Variants in KIAA0319L observed in about 807,000 individuals in gnomAD.
KIAA0319L encodes the protein KIAA0319 like.
KIAA0319L carries 55 observed loss-of-function variants against 120.1 expected under a neutral mutation model. The observed-to-expected ratio is 0.46, with a 90% CI of 0.37 to 0.57. KIAA0319L has a LOEUF of 0.57. Ranked by LOEUF, KIAA0319L falls within the 20% of genes least tolerant of loss-of-function variation. The pLI, the probability that KIAA0319L is intolerant of heterozygous loss-of-function variation, is 0.00. For missense variants in KIAA0319L, 1,049 were observed against 1,255.3 expected, an observed-to-expected ratio of 0.84 and a Z score of 2.48; for synonymous variants, 398 against 471.9, an observed-to-expected ratio of 0.84 and a Z score of 2.03.
At chr1:35,474,002 A>G (rs1056968140) in intron 5 of KIAA0319L, among the ~76,000 whole-genome samples, 1 of 152,240 alleles carries the variant, frequency 6.6e-6, no homozygotes, top group African/African-American at 2.4e-5. Context: ...TCATATTACA[A>G]AAGTTTTCTT....
intron 3 of KIAA0319L, among the ~76,000 whole-genome samples, chr1:35,482,312 T>G (rs1446689942): frequency 2.0e-5 from 3 of 152,184 alleles, no homozygotes; most frequent in Non-Finnish European, 4.4e-5. Context: ...CTAAGTAGTT[T>G]TCTGCTTTAT....
At chr1:35,524,864 C>G (rs1646058121) in intron 2 of KIAA0319L, among the ~76,000 whole-genome samples, 1 of 152,166 alleles carries the variant, frequency 6.6e-6, no homozygotes, top group Non-Finnish European at 1.5e-5. Flanking sequence ...GGCCTCACTT[C>G]TAGCTATCTT....
At chr1:35,436,216 C>T (rs541148254) in intron 20 of KIAA0319L, among the ~76,000 whole-genome samples, 313 of 152,280 alleles carry the variant, frequency 2.1e-3, no homozygotes, top group African/African-American at 7.4e-3. Context: ...GTGGCAGTGC[C>T]CCGAGCTCTC....
intron 2 of KIAA0319L, among the ~76,000 whole-genome samples, chr1:35,507,346 T>C (rs1384192600): frequency 1.3e-5 from 2 of 152,198 alleles, no homozygotes; most frequent in African/African-American, 2.4e-5. Context: ...TCCACATTCA[T>C]TAATTGTTCT....
chr1:35,521,650 TAAAATAAATAAATAAATA>T (rs1407096425), intron 2 of KIAA0319L, among the ~76,000 whole-genome samples: 3 of 134,250 alleles, frequency 2.2e-5, no homozygotes, highest in Non-Finnish European at 4.8e-5. Flanking sequence ...ATAATAATAA[TAAAATAAATAAATAAATA>T]AAAATAAATA....
chr1:35,519,427 G>A (rs771769597), intron 2 of KIAA0319L, among the ~76,000 whole-genome samples: 32 of 152,132 alleles, frequency 2.1e-4, no homozygotes, highest in Non-Finnish European at 3.4e-4. Flanking sequence ...GCTCTCAAAT[G>A]TGGATCCACA....
chr1:35,530,368 C>T (rs1389781187), intron 2 of KIAA0319L, among the ~76,000 whole-genome samples: 3 of 152,242 alleles, frequency 2.0e-5, no homozygotes, highest in Non-Finnish European at 4.4e-5. Flanking sequence ...TCTAGTTTAT[C>T]GCTAAAGCTC....
At chr1:35,461,093 T>C (rs1209435277) in intron 8 of KIAA0319L, among the ~76,000 whole-genome samples, 2 of 152,132 alleles carry the variant, frequency 1.3e-5, no homozygotes, top group Non-Finnish European at 2.9e-5. Context: ...ACTCGTACAA[T>C]GAAATTATAC....
intron 7 of KIAA0319L, among the ~76,000 whole-genome samples, chr1:35,465,103 T>C (rs1012177562): frequency 6.6e-6 from 1 of 152,130 alleles, no homozygotes. Context: ...GCCCACACAG[T>C]CCCTACTGGG....
At chr1:35,508,894 A>T (rs1054411680) in intron 2 of KIAA0319L, among the ~76,000 whole-genome samples, 1 of 152,218 alleles carries the variant, frequency 6.6e-6, no homozygotes, top group Non-Finnish European at 1.5e-5. Flanking sequence ...TTTAATTTTT[A>T]AAAATGCAAT....
chr1:35,470,515 GAAAA>G (rs1176995152), intron 6 of KIAA0319L, among the ~76,000 whole-genome samples: 1 of 114,124 alleles, frequency 8.8e-6, no homozygotes, highest in Non-Finnish European at 1.9e-5. Context: ...AAAAAAAAAA[GAAAA>G]AACCTATACT....
Position 35,477,560 on chromosome 1 carries a change from G to A in KIAA0319L, c.913+1406C>T, listed in dbSNP as rs544878948. On this transcript the variant is annotated intron_variant, in intron 4 of 20. Coordinates refer to ENST00000325722, the MANE Select transcript of KIAA0319L (RefSeq NM_024874.5). ...TGGGCGCCTGTAGTCCCAGCTACTC[G>A]GGAGGCTGAGGCAGGAGAATGGCAT... Among the ~76,000 whole-genome samples the A allele has an allele frequency of 8.6e-5, 13 of 151,744 alleles. No individual in the cohort carries two copies. The South Asian group carries it at 2.3e-3, about 27-fold the overall frequency.
At chr1:35,499,039 T>C (rs907970768) in intron 3 of KIAA0319L, among the ~76,000 whole-genome samples, 3 of 152,184 alleles carry the variant, frequency 2.0e-5, no homozygotes, top group South Asian at 4.1e-4. Context: ...TTTATCTTTA[T>C]AGAAATTAAT....
intron 2 of KIAA0319L, among the ~76,000 whole-genome samples, chr1:35,537,547 T>C (rs918894991): frequency 6.8e-6 from 1 of 146,626 alleles, no homozygotes; most frequent in African/African-American, 2.5e-5. Flanking sequence ...ATATGGCCAA[T>C]AGAGGAAAAG....
chr1:35,512,103 C>T (rs958510066), intron 2 of KIAA0319L, among the ~76,000 whole-genome samples: 1 of 151,766 alleles, frequency 6.6e-6, no homozygotes, highest in African/African-American at 2.4e-5. Flanking sequence ...AACCCCGTCA[C>T]TACTAAAAAT....
chr1:35,490,722 A>T (rs1169569893), intron 3 of KIAA0319L, among the ~76,000 whole-genome samples: 1 of 152,172 alleles, frequency 6.6e-6, no homozygotes, highest in Non-Finnish European at 1.5e-5. Context: ...AATACACTTG[A>T]TATGTTTTGG....
intron 3 of KIAA0319L, among the ~76,000 whole-genome samples, chr1:35,494,858 A>G (rs1345687866): frequency 6.6e-6 from 1 of 151,264 alleles, no homozygotes; most frequent in Non-Finnish European, 1.5e-5. Flanking sequence ...TCATGTCAAT[A>G]TAGGCAAACA....
intron 17 of KIAA0319L, 96 bp from the exon 18 acceptor site, chr1:35,443,124 T>C: frequency 6.9e-7 from 1 of 1,442,552 alleles, no homozygotes; most frequent in East Asian, 2.3e-5. Context: ...CACCCCAGAT[T>C]AATGCTATGT....
At chr1:35,540,680 T>C (rs1172218099) in intron 2 of KIAA0319L, among the ~76,000 whole-genome samples, 1 of 152,236 alleles carries the variant, frequency 6.6e-6, no homozygotes, top group Non-Finnish European at 1.5e-5. Context: ...GGCAGAAGGT[T>C]ATTCTATTAA....
Sources: allele counts gnomAD v4.1 joint callset (sites outside exome capture counted in the v4.1 genomes callset), GRCh38; gene constraint gnomAD v4.1.1; transcripts MANE v1.5; gene names NCBI Gene and HGNC (gene_info 2026-07-23, HGNC 2026-07-21).